PTPRQ: variants seen among roughly 807,000 people sequenced by gnomAD.
The protein encoded by PTPRQ is phosphatidylinositol phosphatase PTPRQ.
PTPRQ carries 199 observed loss-of-function variants against 246.0 expected under a neutral mutation model. The observed-to-expected ratio is 0.81, with a 90% CI of 0.72 to 0.91. PTPRQ has a LOEUF of 0.91. Ranked by LOEUF, PTPRQ falls within the 40% of genes least tolerant of loss-of-function variation. The probability of loss-of-function intolerance (pLI) is 0.00; values close to 1 mark genes in which losing one functional copy is unlikely to be tolerated. For missense variants in PTPRQ, 2,624 were observed against 2,528.4 expected (o/e 1.04, Z -0.81); for synonymous variants, 869 against 853.2 (o/e 1.02, Z -0.32).
At chr12:80,481,348 T>A (rs1255278501) in intron 8 of PTPRQ, among the ~76,000 whole-genome samples, 1 of 152,110 alleles carries the variant, frequency 6.6e-6, no homozygotes, top group Non-Finnish European at 1.5e-5. Context: ...AAACTCTCAA[T>A]AAATTAGGTA....
At chr12:80,617,722 C>A (rs1482298392) in intron 30 of PTPRQ, among the ~76,000 whole-genome samples, 1 of 151,318 alleles carries the variant, frequency 6.6e-6, no homozygotes, top group Non-Finnish European at 1.5e-5. Flanking sequence ...GTGGTGGGAT[C>A]CTAGAGAAAT....
intron 16 of PTPRQ, 47 bp downstream of exon 16, chr12:80,506,717 C>G: frequency 6.8e-7 from 1 of 1,475,086 alleles, no homozygotes; most frequent in Non-Finnish European, 9.1e-7. Flanking sequence ...TATAACATTC[C>G]AAGAAACACA....
chr12:80,461,170 T>C (rs1893153571), intron 6 of PTPRQ, among the ~76,000 whole-genome samples: 1 of 152,192 alleles, frequency 6.6e-6, no homozygotes, highest in Non-Finnish European at 1.5e-5. Context: ...CATTTTATAA[T>C]GTCAGCAATT....
intron 26 of PTPRQ, among the ~76,000 whole-genome samples, chr12:80,595,288 G>A (rs192490137): frequency 1.7e-4 from 26 of 152,018 alleles, no homozygotes; most frequent in Middle Eastern, 3.4e-3. Flanking sequence ...ATAGCCAGCC[G>A]CGCATGTCTT....
At chr12:80,497,011 G>A (rs1894649640) in intron 14 of PTPRQ, among the ~76,000 whole-genome samples, 1 of 151,876 alleles carries the variant, frequency 6.6e-6, no homozygotes, top group Non-Finnish European at 1.5e-5. Flanking sequence ...ATGGGCAGAA[G>A]GATGTTATAG....
chr12:80,645,585 T>TAA (rs1565838694), intron 35 of PTPRQ, among the ~76,000 whole-genome samples: 1 of 151,622 alleles, frequency 6.6e-6, no homozygotes, highest in East Asian at 1.9e-4. Flanking sequence ...GAAGTATATA[T>TAA]GAGCCCAAAC....
In PTPRQ at chr12:80,444,383, G is replaced by A. The variant is rs1483012076; in HGVS notation, c.38G>A (p.Gly13Glu). The A allele has an allele frequency of 4.1e-6, 6 of 1,475,748 alleles. No homozygotes were observed. In the African/African-American group the frequency reaches 7.1e-5, roughly 18 times the overall value. 91.4% of individuals were successfully genotyped at this position (1,475,748 alleles called of 1,614,324 possible). A position where few individuals can be genotyped will look rare whatever the true frequency, so the allele number is the denominator to read the frequency against. ...FLIIFLLLFIGTSETQVDVSN... is the reference protein window; with the variant it reads ...FLIIFLLLFIETSETQVDVSN... ...ATCATTTTTCTTTTACTTTTTATTGGGACTTCAGAGACACAGGTATTTCGT... is the reference window on the plus strand; with the variant it reads ...ATCATTTTTCTTTTACTTTTTATTGAGACTTCAGAGACACAGGTATTTCGT... Residue 13 changes from glycine to glutamate, a missense_variant, in exon 1 of 45, where the codon GGG becomes GAG. Physicochemically the swap from Gly to Glu is moderately conservative, Grantham distance 98. Coordinates refer to ENST00000644991, the MANE Select transcript of PTPRQ (RefSeq NM_001145026.2).
At chr12:80,493,564 C>A in intron 10 of PTPRQ, 109 bp downstream of exon 10, 1 of 1,367,720 alleles carries the variant, frequency 7.3e-7, no homozygotes, top group Non-Finnish European at 9.4e-7. Flanking sequence ...GGTCTTTGGG[C>A]TGGAGTCGGA....
chr12:80,550,446 C>T (rs1896440212), intron 25 of PTPRQ, among the ~76,000 whole-genome samples: 1 of 152,126 alleles, frequency 6.6e-6, no homozygotes, highest in African/African-American at 2.4e-5. Flanking sequence ...AAACCTAGAA[C>T]ATCAAGACAT....
rs1893085553 is a variant in PTPRQ at position 80,459,573 on chromosome 12, C to T, written c.660+90C>T. 1.5e-5 allele frequency: 6 copies of T among 396,458 alleles called. No homozygotes were observed. In the East Asian group the frequency reaches 2.1e-4, roughly 14 times the overall value. The allele number at this position is 396,458 out of a possible 1,614,324, so 24.6% of individuals were successfully genotyped here. On this transcript the variant is annotated intron_variant, in intron 5 of 44. Transcript: ENST00000644991. ...TAGCATCTAGATACTATATTTTTACCAAAGTTTTATTAGTTATTTGATTAC... is the reference window on the plus strand; with the variant it reads ...TAGCATCTAGATACTATATTTTTACTAAAGTTTTATTAGTTATTTGATTAC...
chr12:80,630,867 C>T (rs1315124353), intron 33 of PTPRQ, among the ~76,000 whole-genome samples: 2 of 152,114 alleles, frequency 1.3e-5, no homozygotes, highest in African/African-American at 2.4e-5. Context: ...CAGGCGCCTG[C>T]CACCACGCCC....
intron 19 of PTPRQ, among the ~76,000 whole-genome samples, chr12:80,538,185 A>G (rs1040965415): frequency 6.6e-6 from 1 of 152,212 alleles, no homozygotes. Flanking sequence ...CCTTCTGACT[A>G]TATTTATATA....
chr12:80,450,954 T>C (rs1381444516), intron 3 of PTPRQ, among the ~76,000 whole-genome samples: 1 of 152,256 alleles, frequency 6.6e-6, no homozygotes, highest in Non-Finnish European at 1.5e-5. Flanking sequence ...GAAGGAATAG[T>C]ACCAGTTCCT....
intron 23 of PTPRQ, among the ~76,000 whole-genome samples, chr12:80,544,350 A>G (rs1419013937): frequency 3.3e-5 from 5 of 152,228 alleles, no homozygotes; most frequent in African/African-American, 4.8e-5. Context: ...AAACTGTCCA[A>G]CATTGTAATA....
Position 80,673,588 on chromosome 12 carries a change from G to A in PTPRQ, c.6738+284G>A, listed in dbSNP as rs575873747. Among the ~76,000 whole-genome samples the A allele has an allele frequency of 4.6e-5, 7 of 152,110 alleles. 1 individual carries two copies. The South Asian group carries it at 1.2e-3, about 27-fold the overall frequency. On this transcript the variant is annotated intron_variant, in intron 43 of 44. Coordinates refer to ENST00000644991, the MANE Select transcript of PTPRQ (RefSeq NM_001145026.2). ...AACATAAAATTGATTTATCTTTATCGTTTAGCAACTTTGGGATATCTGGAA... is the reference window on the plus strand; with the variant it reads ...AACATAAAATTGATTTATCTTTATCATTTAGCAACTTTGGGATATCTGGAA...
chr12:80,613,394 G>C (rs1394058279), intron 28 of PTPRQ, among the ~76,000 whole-genome samples, 198 bp from the exon 29 acceptor site: 1 of 150,542 alleles, frequency 6.6e-6, no homozygotes, highest in Non-Finnish European at 1.5e-5. Flanking sequence ...AAACAAACTG[G>C]ATCACCATTA....
intron 17 of PTPRQ, among the ~76,000 whole-genome samples, chr12:80,520,343 C>T (rs1213947684): frequency 6.6e-6 from 1 of 151,918 alleles, no homozygotes; most frequent in African/African-American, 2.4e-5. Context: ...TGTCTTTAAT[C>T]ACATATTACT....
In PTPRQ at chr12:80,565,730, G is replaced by T. The variant is rs532953275; in HGVS notation, c.4285+15996G>T. Among the ~76,000 whole-genome samples the T allele has an allele frequency of 5.1e-4, 77 of 152,180 alleles. 1 individual carries two copies. Among genetic ancestry groups the T allele is most frequent in the African/African-American group, 1.7e-3 (72 of 41,534 alleles). On this transcript the variant is annotated intron_variant, in intron 25 of 44. Transcript: ENST00000644991. The stretch of plus-strand genomic sequence containing the variant: ...AAAATTTCTTCAATGTTGCATTTAA[G>T]AAATTAATTTAGACCTAATTTAAAA...
intron 28 of PTPRQ, among the ~76,000 whole-genome samples, chr12:80,612,507 A>G (rs1427985963): frequency 4.0e-5 from 6 of 150,514 alleles, no homozygotes; most frequent in Non-Finnish European, 9.0e-5. Context: ...AGATAAGGTA[A>G]TAATTTAAAA....
Sources: gnomAD v4.1 joint callset for allele counts (sites outside exome capture counted in the v4.1 genomes callset) on GRCh38, gnomAD v4.1.1 for gene constraint, MANE v1.5 for transcripts, NCBI Gene and HGNC (gene_info 2026-07-23, HGNC 2026-07-21) for gene names.